The following NUP50 variants were observed in gnomAD, a reference collection of about 807,000 sequenced individuals.
The protein encoded by NUP50 is nucleoporin 50.
NUP50 carries 14 observed loss-of-function variants against 36.8 expected under a neutral mutation model. The observed-to-expected ratio is 0.38, with a 90% confidence interval of 0.25 to 0.59. NUP50 has a LOEUF of 0.59. Ranked by LOEUF, NUP50 falls within the 20% of genes least tolerant of loss-of-function variation. The probability of loss-of-function intolerance (pLI) is 0.63; values close to 1 mark genes in which losing one functional copy is unlikely to be tolerated. For synonymous variants in NUP50, 195 were observed against 210.8 expected (o/e 0.93, Z 0.65); for missense variants, 455 against 564.6 (o/e 0.81, Z 1.97).
intron 4 of NUP50, 38 bp from the exon 5 acceptor site, chr22:45,178,200 T>C (rs2074306676): frequency 1.3e-6 from 2 of 1,565,334 alleles, no homozygotes; most frequent in Non-Finnish European, 1.7e-6. Flanking sequence ...TTAATCAAAT[T>C]AGGCTAAATA....
chr22:45,168,678 A>G (rs2074133811), intron 2 of NUP50, among the ~76,000 whole-genome samples: 2 of 152,026 alleles, frequency 1.3e-5, no homozygotes, highest in Admixed American at 1.3e-4. Context: ...GGTCTGTGGT[A>G]CTCCGTTTCC....
intron 4 of NUP50, 70 bp from the exon 5 acceptor site, chr22:45,178,168 G>A (rs2074306083): frequency 2.1e-6 from 3 of 1,420,246 alleles, no homozygotes; most frequent in Admixed American, 3.8e-5. Context: ...TGAAGGCAGA[G>A]TGGCAAAAAA....
chr22:45,168,763 A>G (rs2074135216), intron 2 of NUP50, among the ~76,000 whole-genome samples: 1 of 152,178 alleles, frequency 6.6e-6, no homozygotes, highest in Non-Finnish European at 1.5e-5. Context: ...TTGCATTTAT[A>G]GGAATAGAAT....
intron 2 of NUP50, 68 bp downstream of exon 2, chr22:45,168,314 T>G (rs1372271351): frequency 1.6e-6 from 2 of 1,236,660 alleles, no homozygotes; most frequent in Non-Finnish European, 2.3e-6. Flanking sequence ...TTGGGGTTCC[T>G]CATGAAGACT....
In NUP50 at chr22:45,178,469, A is replaced by C; in HGVS notation, c.572A>C (p.Glu191Ala). The C allele has an allele frequency of 1.2e-6, 2 of 1,613,050 alleles. No homozygotes were observed. The highest frequency in any genetic ancestry group is 1.7e-6 in the Non-Finnish European group (2 of 1,179,870). The change falls in exon 5 of 8, where the codon GAG becomes GCG. Residue 191 changes from glutamate (E) to alanine (A), a missense_variant. Transcript: ENST00000347635. Reference protein sequence around the residue: ...CDLTPIFKDYEKYLANIEQQH... With the variant: ...CDLTPIFKDYAKYLANIEQQH... ...CTGACACCTATCTTTAAAGACTATG[A>C]GAAATATTTAGCAAACATTGAACAG...
At chr22:45,182,373 C>T (rs1451893762) in intron 6 of NUP50, among the ~76,000 whole-genome samples, 1 of 152,192 alleles carries the variant, frequency 6.6e-6, no homozygotes, top group East Asian at 1.9e-4. Flanking sequence ...CCCTGAGAAG[C>T]AGAGGTTGCA....
At position 45,187,412 on chromosome 22, in the gene NUP50, G is replaced by GAAAA; in HGVS notation, c.*2757_*2758insAAAA. On this transcript the variant is annotated 3_prime_UTR_variant, in exon 8 of 8. Coordinates refer to ENST00000347635, the MANE Select transcript of NUP50 (RefSeq NM_007172.4). ...TTCTAGATCACATTTTATATATGCT[G>GAAAA]CATGCCAAAAAAAAAAAAAAGAGAA... is the stretch of plus-strand genomic sequence containing the variant. The GAAAA allele has an allele frequency of 7.5e-6, 1 of 132,796 alleles. No individual in the cohort carries two copies. Among genetic ancestry groups the GAAAA allele is most frequent in the Non-Finnish European group, 1.5e-5 (1 of 65,684 alleles). The allele number at this position is 132,796 out of a possible 1,614,324, so 8.2% of individuals were successfully genotyped here. A position where few individuals can be genotyped will look rare whatever the true frequency, so the allele number is the denominator to read the frequency against.
At chr22:45,181,904 A>G (rs1853390053) in intron 6 of NUP50, among the ~76,000 whole-genome samples, 1 of 152,224 alleles carries the variant, frequency 6.6e-6, no homozygotes. Flanking sequence ...TTTTACAAAG[A>G]TATTTGCTGA....
chr22:45,172,887 A>G lies in NUP50; in HGVS notation c.153+1204A>G, dbSNP rs543195456. Among the ~76,000 whole-genome samples the G allele has an allele frequency of 9.8e-5, 15 of 152,346 alleles. No individual in the cohort carries two copies. In the South Asian group the frequency reaches 2.9e-3, roughly 29 times the overall value. On this transcript the variant is annotated intron_variant, in intron 3 of 7. Coordinates refer to ENST00000347635, the MANE Select transcript of NUP50 (RefSeq NM_007172.4). ...ATAAAGTATTCGCAATTTTCCTAAAATATATTACTGTATATACCAATATAG... is the reference window on the plus strand; with the variant it reads ...ATAAAGTATTCGCAATTTTCCTAAAGTATATTACTGTATATACCAATATAG...
At chr22:45,167,595 A>G (rs930450468) in intron 1 of NUP50, among the ~76,000 whole-genome samples, 2 of 152,232 alleles carry the variant, frequency 1.3e-5, no homozygotes, top group Non-Finnish European at 2.9e-5. Context: ...TCTTGGCAAT[A>G]TACAATTTGA....
At chr22:45,181,440 C>T (rs2074370629) in intron 6 of NUP50, 73 bp downstream of exon 6, 2 of 883,964 alleles carry the variant, frequency 2.3e-6, no homozygotes, top group East Asian at 2.9e-5. Flanking sequence ...GGAGAATGTC[C>T]TCACGGCACT....
In NUP50 at chr22:45,187,235, A is replaced by C. The variant is rs570462500; in HGVS notation, c.*2580A>C. 1 of 149,250 alleles carries C rather than the reference A, an allele frequency of 6.7e-6. No individual in the cohort carries two copies. The highest frequency in any genetic ancestry group is 2.5e-5 in the African/African-American group (1 of 40,454). 9.2% of individuals were successfully genotyped at this position (149,250 alleles called of 1,614,324 possible). A position where few individuals can be genotyped will look rare whatever the true frequency, so the allele number is the denominator to read the frequency against. On this transcript the variant is annotated 3_prime_UTR_variant, in exon 8 of 8. Coordinates refer to ENST00000347635, the MANE Select transcript of NUP50 (RefSeq NM_007172.4). ...TTGCGCATTCCTAGTAAGCAAAAAA[A>C]TTTGTTATGCCATCTTCATTATTCG...
In NUP50 at chr22:45,168,163, C is replaced by G; in HGVS notation, c.-10-5C>G. 1.3e-6 allele frequency: 2 copies of G among 1,597,066 alleles called. No individual in the cohort carries two copies. Among genetic ancestry groups the G allele is most frequent in the Non-Finnish European group, 1.7e-6 (2 of 1,171,806 alleles). ...AAATAAACTCTTCTGTTTTCTATAA[C>G]TTAGGTTCGAAAACATGGCCAAAAG... On this transcript the variant is annotated splice_region_variant and splice_polypyrimidine_tract_variant and intron_variant, in intron 1 of 7. Coordinates refer to ENST00000347635, the MANE Select transcript of NUP50 (RefSeq NM_007172.4).
rs1325666587 is a variant in NUP50, at chr22:45,184,817, TAA to T, written c.*163_*164del. On this transcript the variant is annotated 3_prime_UTR_variant, in exon 8 of 8. Coordinates refer to ENST00000347635, the MANE Select transcript of NUP50 (RefSeq NM_007172.4). ...TGTGGCCAATAAAACCTTTAAATGTTAAGTGTCAAGAAACTGCACTCTCCCTT... is the reference window on the plus strand; with the variant it reads ...TGTGGCCAATAAAACCTTTAAATGTTGTGTCAAGAAACTGCACTCTCCCTT... 3 of 630,884 alleles carry T rather than the reference TAA, an allele frequency of 4.8e-6. No individual in the cohort carries two copies. The highest frequency in any genetic ancestry group is 2.8e-6 in the Non-Finnish European group (1 of 351,136). 39.1% of individuals were successfully genotyped at this position (630,884 alleles called of 1,614,324 possible). A position where few individuals can be genotyped will look rare whatever the true frequency, so the allele number is the denominator to read the frequency against.
At chr22:45,175,472 C>T (rs2074262167) in intron 3 of NUP50, among the ~76,000 whole-genome samples, 1 of 152,114 alleles carries the variant, frequency 6.6e-6, no homozygotes, top group Non-Finnish European at 1.5e-5. Context: ...AGTTAACCTA[C>T]CTTGATGTTT....
intron 6 of NUP50, 50 bp downstream of exon 6, chr22:45,181,417 C>A: frequency 3.2e-6 from 4 of 1,250,298 alleles, no homozygotes; most frequent in Non-Finnish European, 4.5e-6. Context: ...GGCATGGTGG[C>A]ATGCTTCAGG....
Position 45,179,977 on chromosome 22 carries a change from C to T in NUP50, c.1003+1077C>T, listed in dbSNP as rs115595220. Among the ~76,000 whole-genome samples the T allele has an allele frequency of 6.8e-3, 1,035 of 152,352 alleles. 9 individuals are homozygous for T. The highest frequency in any genetic ancestry group is 0.024 in the African/African-American group (997 of 41,584). On this transcript the variant is annotated intron_variant, in intron 5 of 7. Transcript: ENST00000347635. Reference sequence around the variant, plus strand: ...TTTGCCTCTGAAATATTACGGTTTTCTATCAGGAGTCTAGACTTCCATTAC... The same window carrying T: ...TTTGCCTCTGAAATATTACGGTTTTTTATCAGGAGTCTAGACTTCCATTAC...
intron 1 of NUP50, chr22:45,166,544 C>T (rs1037250958): frequency 1.3e-5 from 2 of 152,004 alleles, no homozygotes; most frequent in Non-Finnish European, 2.9e-5. Flanking sequence ...ACCTTGGCCT[C>T]CCAAAGTGCT....
chr22:45,180,791 A>ATTAC (rs1224593883), intron 5 of NUP50, among the ~76,000 whole-genome samples: 4 of 152,028 alleles, frequency 2.6e-5, no homozygotes, highest in African/African-American at 9.7e-5. Context: ...CAAAGCTTAA[A>ATTAC]TTACTTACAC....
Sources: gnomAD v4.1 joint callset for allele counts (sites outside exome capture counted in the v4.1 genomes callset) on GRCh38, gnomAD v4.1.1 for gene constraint, MANE v1.5 for transcripts, NCBI Gene and HGNC (gene_info 2026-07-23, HGNC 2026-07-21) for gene names.